Variants in GSTO2 observed in about 807,000 individuals in gnomAD.
The protein encoded by GSTO2 is glutathione S-transferase omega-2.
A neutral mutation model predicts 28.4 loss-of-function variants in GSTO2; 23 were observed. The ratio of observed to expected loss-of-function variants is 0.81; its 90% CI spans 0.58 to 1.15. GSTO2 has a LOEUF of 1.15. Ranked by LOEUF, GSTO2 falls within the 50% of genes most tolerant of loss-of-function variation. The probability of loss-of-function intolerance (pLI) is 0.00; values close to 1 mark genes in which losing one functional copy is unlikely to be tolerated. For missense variants in GSTO2, 298 were observed against 297.8 expected, an observed-to-expected ratio of 1.00 and a Z score of 0.00; for synonymous variants, 109 against 111.0, an observed-to-expected ratio of 0.98 and a Z score of 0.11.
chr10:104,286,579 T>A (rs2012436009), intron 5 of GSTO2, among the ~76,000 whole-genome samples: 1 of 152,210 alleles, frequency 6.6e-6, no homozygotes, highest in Non-Finnish European at 1.5e-5. Flanking sequence ...ATTTGCTAGC[T>A]GATTTAGCAT....
chr10:104,275,502 C>G (rs1218621088), intron 3 of GSTO2, among the ~76,000 whole-genome samples, 168 bp downstream of exon 3: 2 of 152,140 alleles, frequency 1.3e-5, no homozygotes, highest in Non-Finnish European at 2.9e-5. Context: ...TTAGCGGGCC[C>G]TACTGAAATG....
chr10:104,282,834 G>A (rs371823268), intron 5 of GSTO2, among the ~76,000 whole-genome samples: 10 of 152,292 alleles, frequency 6.6e-5, no homozygotes, highest in African/African-American at 2.2e-4. Flanking sequence ...TTGTGGTGTT[G>A]ATGGGATATT....
At chr10:104,270,036 C>T (rs1319913058) in intron 1 of GSTO2, among the ~76,000 whole-genome samples, 1 of 146,582 alleles carries the variant, frequency 6.8e-6, no homozygotes. Context: ...TTTTTTGAGA[C>T]GGAGTCTCGC....
chr10:104,300,731 A>G lies in GSTO2; in HGVS notation c.*1447A>G, dbSNP rs975241914. 1.3e-5 allele frequency: 2 copies of G among 152,238 alleles called. No homozygotes were observed. Among genetic ancestry groups the G allele is most frequent in the Admixed American group, 6.5e-5 (1 of 15,286 alleles). The allele number at this position is 152,238 out of a possible 1,614,324, so 9.4% of individuals were successfully genotyped here. On this transcript the variant is annotated 3_prime_UTR_variant, in exon 7 of 7. Transcript: ENST00000338595. ...CTTTGCTCATGCTGGATCCTTTCCCATCCTCCTAGCTGTGCTGAGACACCA... is the reference window on the plus strand; with the variant it reads ...CTTTGCTCATGCTGGATCCTTTCCCGTCCTCCTAGCTGTGCTGAGACACCA...
chr10:104,285,450 T>C (rs1380017592), intron 5 of GSTO2, among the ~76,000 whole-genome samples: 1 of 151,694 alleles, frequency 6.6e-6, no homozygotes, highest in East Asian at 1.9e-4. Context: ...TCTTAATTAT[T>C]ATTATAATTA....
chr10:104,271,466 A>G (rs1400797840), intron 1 of GSTO2, among the ~76,000 whole-genome samples: 1 of 152,226 alleles, frequency 6.6e-6, no homozygotes, highest in Non-Finnish European at 1.5e-5. Context: ...TTCGATACTC[A>G]CAATTCATAA....
chr10:104,297,136 T>C (rs149053129), intron 5 of GSTO2: 1,533 of 153,100 alleles, frequency 0.01, 15 homozygotes, highest in Non-Finnish European at 0.017. Context: ...CTGAGCGGGG[T>C]TCCTAATGCT....
chr10:104,284,383 A>G lies in GSTO2; in HGVS notation c.468+4912A>G, dbSNP rs188381554. 2.3e-3 allele frequency among the ~76,000 whole-genome samples: 356 copies of G among 152,288 alleles called. 9 individuals carry two copies. The highest frequency in any genetic ancestry group is 0.02 in the Admixed American group (312 of 15,292). On this transcript the variant is annotated intron_variant, in intron 5 of 6. Transcript: ENST00000338595. ...TCCAAGAAAAAAAAAATTAAGTTCCATCAAAATCAAAGATTTATTGTGCTT... is the reference window on the plus strand; with the variant it reads ...TCCAAGAAAAAAAAAATTAAGTTCCGTCAAAATCAAAGATTTATTGTGCTT...
intron 5 of GSTO2, chr10:104,285,989 C>T (rs961000674): frequency 2.8e-6 from 1 of 358,522 alleles, no homozygotes; most frequent in Non-Finnish European, 5.5e-6. Flanking sequence ...AAACAATTTT[C>T]TGTATCCTTT....
chr10:104,277,714 C>T (rs568550940), intron 3 of GSTO2, among the ~76,000 whole-genome samples, 180 bp from the exon 4 acceptor site: 23 of 152,116 alleles, frequency 1.5e-4, no homozygotes, highest in Non-Finnish European at 3.2e-4. Context: ...GGAAAACATC[C>T]GACACATCTT....
rs1049173195 is a variant in GSTO2 at position 104,304,922 on chromosome 10, A to G, written c.*5638A>G. Reference sequence around the variant, plus strand: ...CTTGCAATGTTGATGATGTAAAATAAATCTTCTCTCCTGTGTTTCTGAAGA... The same window carrying G: ...CTTGCAATGTTGATGATGTAAAATAGATCTTCTCTCCTGTGTTTCTGAAGA... On this transcript the variant is annotated 3_prime_UTR_variant, in exon 7 of 7. Transcript: ENST00000338595. 18 of 152,192 alleles carry G rather than the reference A, an allele frequency of 1.2e-4. No individual in the cohort carries two copies. Among genetic ancestry groups the G allele is most frequent in the African/African-American group, 3.9e-4 (16 of 41,434 alleles). 9.4% of individuals were successfully genotyped at this position (152,192 alleles called of 1,614,324 possible).
chr10:104,296,824 G>A (rs1296510776), intron 5 of GSTO2: 1 of 151,332 alleles, frequency 6.6e-6, no homozygotes, highest in East Asian at 1.9e-4. Context: ...TTCTTGGCCA[G>A]GCTGGAGTGC....
intron 1 of GSTO2, among the ~76,000 whole-genome samples, chr10:104,270,698 C>T (rs1375143518): frequency 6.6e-6 from 1 of 152,166 alleles, no homozygotes; most frequent in African/African-American, 2.4e-5. Flanking sequence ...AATAAGGGAA[C>T]ACCCAGTAAT....
intron 5 of GSTO2, among the ~76,000 whole-genome samples, chr10:104,293,239 A>C (rs900920206): frequency 6.6e-6 from 1 of 152,200 alleles, no homozygotes; most frequent in Non-Finnish European, 1.5e-5. Context: ...TTGGCTGTAG[A>C]GAAGGAGGAG....
chr10:104,298,093 G>C (rs1475886279), intron 6 of GSTO2, among the ~76,000 whole-genome samples: 1 of 152,188 alleles, frequency 6.6e-6, no homozygotes, highest in African/African-American at 2.4e-5. Context: ...TCTTCCCCCA[G>C]ATAGGAATAA....
At chr10:104,293,714 C>G (rs1381045558) in intron 5 of GSTO2, among the ~76,000 whole-genome samples, 1 of 151,858 alleles carries the variant, frequency 6.6e-6, no homozygotes, top group Non-Finnish European at 1.5e-5. Context: ...ACTAGGACTA[C>G]AGGTGCCACC....
chr10:104,297,598 C>T lies in GSTO2; in HGVS notation c.489C>T (p.Thr163=). The T allele has an allele frequency of 6.2e-7, 1 of 1,612,764 alleles. No individual in the cohort carries two copies. Among genetic ancestry groups the T allele is most frequent in the Non-Finnish European group, 8.5e-7 (1 of 1,179,044 alleles). The stretch of plus-strand genomic sequence containing the variant: ...TTTAGATTCTTGAGTATCAGAACAC[C>T]ACCTTCTTTGGTGGAACCTGTATAT... The part of the protein sequence containing the change: ...NLEEILEYQN[T]TFFGGTCISM... The change falls in exon 6 of 7, where the codon ACC becomes ACT. Residue 163 remains threonine, a synonymous_variant. Coordinates refer to ENST00000338595, the MANE Select transcript of GSTO2 (RefSeq NM_183239.2).
At position 104,301,906 on chromosome 10, in the gene GSTO2, C is replaced by T. The variant is rs1434056191; in HGVS notation, c.*2622C>T. ...TGTCTATCTTATAAAAAGCACTAAA[C>T]TTAAAGATTTAAAGGTGAGAGCCTG... On this transcript the variant is annotated 3_prime_UTR_variant, in exon 7 of 7. Transcript: ENST00000338595. The T allele has an allele frequency of 6.6e-6, 1 of 152,158 alleles. No homozygotes were observed. The highest frequency in any genetic ancestry group is 1.5e-5 in the Non-Finnish European group (1 of 68,030). 9.4% of individuals were successfully genotyped at this position (152,158 alleles called of 1,614,324 possible).
intron 5 of GSTO2, among the ~76,000 whole-genome samples, chr10:104,288,858 T>G (rs2012606416): frequency 6.6e-6 from 1 of 152,244 alleles, no homozygotes; most frequent in African/African-American, 2.4e-5. Context: ...GGCTTATATA[T>G]TTTTGCATAT....
Sources: gnomAD v4.1 joint callset for allele counts (sites outside exome capture counted in the v4.1 genomes callset) on GRCh38, gnomAD v4.1.1 for gene constraint, MANE v1.5 for transcripts, NCBI Gene and HGNC (gene_info 2026-07-23, HGNC 2026-07-21) for gene names.